PTPRD: variants seen among roughly 807,000 people sequenced by gnomAD.
PTPRD encodes the protein protein tyrosine phosphatase receptor type D.
Under a neutral mutation model 214.5 loss-of-function variants are expected in PTPRD, and 34 were observed. That is an observed-to-expected ratio of 0.16 (90% confidence interval 0.12 to 0.21). The LOEUF (loss-of-function observed/expected upper bound fraction) is 0.21, where lower values mean the gene tolerates loss of function less well. Among genes scored for constraint, PTPRD ranks in the 10% least tolerant of loss-of-function variants. The pLI is 1.00. For missense variants in PTPRD, 2,545 were observed against 2,398.7 expected, an observed-to-expected ratio of 1.06 and a Z score of -1.27; for synonymous variants, 1,128 against 845.7, an observed-to-expected ratio of 1.33 and a Z score of -5.79.
At chr9:9,467,234 T>TTTTTTC (rs1569568586) in intron 8 of PTPRD, among the ~76,000 whole-genome samples, 32 of 123,020 alleles carry the variant, frequency 2.6e-4, no homozygotes, top group Non-Finnish European at 3.2e-4. Context: ...TTTTTTTTTT[T>TTTTTTC]TTTAACCTAA....
intron 5 of PTPRD, among the ~76,000 whole-genome samples, chr9:9,885,823 T>G (rs1427486957): frequency 6.6e-6 from 1 of 151,938 alleles, no homozygotes; most frequent in Non-Finnish European, 1.5e-5. Flanking sequence ...GCTTTGTGCC[T>G]GTAAATTTGT....
intron 5 of PTPRD, among the ~76,000 whole-genome samples, chr9:9,910,428 T>C (rs2078864830): frequency 6.6e-6 from 1 of 151,964 alleles, no homozygotes; most frequent in South Asian, 2.1e-4. Context: ...AATCCCACGA[T>C]TTTCTAGAAG....
chr9:9,576,647 G>T (rs961054067), intron 7 of PTPRD, among the ~76,000 whole-genome samples: 4 of 152,154 alleles, frequency 2.6e-5, no homozygotes, highest in Non-Finnish European at 5.9e-5. Context: ...TTAAAAGGTT[G>T]AGTATTAGAA....
At chr9:8,319,546 C>G (rs930772126) in intron 45 of PTPRD, among the ~76,000 whole-genome samples, 5 of 151,702 alleles carry the variant, frequency 3.3e-5, no homozygotes, top group Non-Finnish European at 7.4e-5. Flanking sequence ...ATGAATATAA[C>G]GAATTTTATG....
chr9:9,121,463 T>C (rs1188887285), intron 10 of PTPRD, among the ~76,000 whole-genome samples: 1 of 152,122 alleles, frequency 6.6e-6, no homozygotes, highest in Non-Finnish European at 1.5e-5. Context: ...GGTATATATA[T>C]ATATACACGA....
At chr9:10,214,402 G>A (rs1245701371) in intron 3 of PTPRD, among the ~76,000 whole-genome samples, 1 of 150,250 alleles carries the variant, frequency 6.7e-6, no homozygotes, top group Non-Finnish European at 1.5e-5. Flanking sequence ...TCTGCCTCCA[G>A]AGTAGCTGGG....
At chr9:9,483,005 T>C (rs972657160) in intron 8 of PTPRD, among the ~76,000 whole-genome samples, 4 of 152,190 alleles carry the variant, frequency 2.6e-5, no homozygotes, top group African/African-American at 9.6e-5. Flanking sequence ...TTCTTCTCCA[T>C]CTTAATGAAA....
intron 8 of PTPRD, among the ~76,000 whole-genome samples, chr9:9,431,306 C>T (rs1052426691): frequency 5.3e-5 from 8 of 152,152 alleles, no homozygotes; most frequent in African/African-American, 1.9e-4. Flanking sequence ...TGAAAAATTG[C>T]TCATCATCAC....
At chr9:9,243,355 T>C (rs555853273) in intron 9 of PTPRD, among the ~76,000 whole-genome samples, 24 of 152,152 alleles carry the variant, frequency 1.6e-4, no homozygotes, top group East Asian at 9.7e-4. Flanking sequence ...AATTTTAGAC[T>C]AATATCCCTG....
chr9:10,242,678 G>A (rs1323075984), intron 3 of PTPRD, among the ~76,000 whole-genome samples: 1 of 60,290 alleles, frequency 1.7e-5, no homozygotes, highest in Non-Finnish European at 3.2e-5. Flanking sequence ...ATCAGCTTAA[G>A]GGCTTACTTA....
chr9:10,181,585 A>G (rs1040974589), intron 3 of PTPRD, among the ~76,000 whole-genome samples: 10 of 152,062 alleles, frequency 6.6e-5, no homozygotes, highest in African/African-American at 2.2e-4. Context: ...TTTGAGATAT[A>G]AGAGCAAAAA....
intron 4 of PTPRD, among the ~76,000 whole-genome samples, chr9:9,975,655 A>C (rs756942889): frequency 2.0e-5 from 3 of 152,192 alleles, no homozygotes; most frequent in Non-Finnish European, 4.4e-5. Flanking sequence ...ATATCAACCT[A>C]CTAAAATACA....
At chr9:8,934,421 G>GTGTGTATA (rs1306403766) in intron 11 of PTPRD, among the ~76,000 whole-genome samples, 1 of 27,332 alleles carries the variant, frequency 3.7e-5, no homozygotes, top group South Asian at 9.4e-4. Flanking sequence ...GTGTGTGTGT[G>GTGTGTATA]TATATATATA....
chr9:9,409,776 C>T (rs545559226), intron 8 of PTPRD, among the ~76,000 whole-genome samples: 1 of 152,182 alleles, frequency 6.6e-6, no homozygotes, highest in South Asian at 2.1e-4. Context: ...TTCAAATTTG[C>T]TGTATGTCAG....
chr9:10,229,774 G>T (rs1172243844), intron 3 of PTPRD, among the ~76,000 whole-genome samples: 2 of 151,724 alleles, frequency 1.3e-5, no homozygotes, highest in African/African-American at 4.8e-5. Flanking sequence ...AATGGGTGCA[G>T]CACACCAACA....
At chr9:9,784,969 G>A (rs1032041529) in intron 5 of PTPRD, among the ~76,000 whole-genome samples, 1 of 151,042 alleles carries the variant, frequency 6.6e-6, no homozygotes, top group Non-Finnish European at 1.5e-5. Flanking sequence ...ACAGGGTTTG[G>A]GTGAATATAA....
chr9:8,911,821 AAG>A (rs1220254834), intron 11 of PTPRD, among the ~76,000 whole-genome samples: 1 of 152,212 alleles, frequency 6.6e-6, no homozygotes, highest in Non-Finnish European at 1.5e-5. Flanking sequence ...AAACTTCAAT[AAG>A]ATAAACAACT....
intron 12 of PTPRD, among the ~76,000 whole-genome samples, chr9:8,662,781 T>A (rs1274401706): frequency 6.6e-6 from 1 of 152,224 alleles, no homozygotes; most frequent in Admixed American, 6.5e-5. Context: ...AATGGATATT[T>A]TTTTTCCATT....
At chr9:8,394,069 G>T (rs2090407647) in intron 36 of PTPRD, among the ~76,000 whole-genome samples, 1 of 151,834 alleles carries the variant, frequency 6.6e-6, no homozygotes, top group Non-Finnish European at 1.5e-5. Flanking sequence ...CACGTTTTAG[G>T]CTCTCATTTT....
Sources: gnomAD v4.1 joint callset for allele counts (sites outside exome capture counted in the v4.1 genomes callset) on GRCh38, gnomAD v4.1.1 for gene constraint, MANE v1.5 for transcripts, NCBI Gene and HGNC (gene_info 2026-07-23, HGNC 2026-07-21) for gene names.